Variants in TNKS observed in about 807,000 individuals in gnomAD.
TNKS encodes the protein poly [ADP-ribose] polymerase tankyrase-1.
A neutral mutation model predicts 135.8 loss-of-function variants in TNKS; 72 were observed. That is an observed-to-expected ratio of 0.53 (90% CI 0.44 to 0.64). The LOEUF (loss-of-function observed/expected upper bound fraction) is 0.64, where lower values mean the gene tolerates loss of function less well. Ranked by LOEUF, TNKS falls within the 30% of genes least tolerant of loss-of-function variation. TNKS has a pLI of 0.00. For missense variants in TNKS, 1,769 were observed against 1,674.0 expected (o/e 1.06, Z -0.99); for synonymous variants, 849 against 649.3 (o/e 1.31, Z -4.68).
intron 6 of TNKS, 40 bp downstream of exon 6, chr8:9,704,797 T>C (rs775879136): frequency 2.0e-6 from 3 of 1,522,930 alleles, no homozygotes; most frequent in Non-Finnish European, 2.7e-6. Flanking sequence ...GCTTTGTTTT[T>C]TGTCTGATAC....
intron 1 of TNKS, among the ~76,000 whole-genome samples, chr8:9,570,882 T>C (rs1298207203): frequency 6.6e-6 from 1 of 152,098 alleles, no homozygotes; most frequent in Non-Finnish European, 1.5e-5. Flanking sequence ...GGTGGGAGAA[T>C]CACTTGAGCA....
At chr8:9,642,916 A>G (rs998853321) in intron 3 of TNKS, among the ~76,000 whole-genome samples, 1 of 146,520 alleles carries the variant, frequency 6.8e-6, no homozygotes. Flanking sequence ...CTATTGTTAT[A>G]AAGTAACTGA....
intron 25 of TNKS, among the ~76,000 whole-genome samples, chr8:9,769,436 A>G (rs1385591949): frequency 6.6e-6 from 1 of 152,046 alleles, no homozygotes; most frequent in African/African-American, 2.4e-5. Context: ...ATTACTGTTT[A>G]CCTCATCCCA....
rs1210483328 is a variant in TNKS at position 9,706,859 on chromosome 8, C to T, written c.1318C>T (p.His440Tyr). The stretch of plus-strand genomic sequence containing the variant: ...GGATCTCTGGCAGTTTACTCCACTG[C>T]ACGAGGCTGCTTCCAAGAACCGTGT... ...AMDLWQFTPL[H>Y]EAASKNRVEV... Residue 440 changes from histidine (H) to tyrosine (Y), a missense_variant, in exon 8 of 27, where the codon CAC becomes TAC. This residue lies in a region of TNKS where 523 missense variants were observed against 541.0 expected (regional missense o/e 0.97). Transcript: ENST00000310430. The T allele has an allele frequency of 6.2e-7, 1 of 1,613,938 alleles. No homozygotes were observed. The highest frequency in any genetic ancestry group is 1.3e-5 in the African/African-American group (1 of 75,030).
chr8:9,634,814 A>T (rs1800444615), intron 3 of TNKS, among the ~76,000 whole-genome samples: 1 of 152,162 alleles, frequency 6.6e-6, no homozygotes, highest in Admixed American at 6.5e-5. Flanking sequence ...TTGAAAAAAA[A>T]ATGACTGATT....
chr8:9,759,702 C>A (rs560643796), intron 20 of TNKS, among the ~76,000 whole-genome samples: 1 of 152,086 alleles, frequency 6.6e-6, no homozygotes, highest in Non-Finnish European at 1.5e-5. Flanking sequence ...GGGCCAGGCG[C>A]GGTGGCTCAC....
chr8:9,556,122 C>G lies in TNKS; in HGVS notation c.183C>G (p.His61Gln). The change falls in exon 1 of 27, where the codon CAC becomes CAG. Residue 61 changes from histidine to glutamine, a missense_variant. Around this residue, in one of 5 missense-constraint regions of TNKS, gnomAD observed 450 missense variants for 304.9 expected, o/e 1.48. Coordinates refer to ENST00000310430, the MANE Select transcript of TNKS (RefSeq NM_003747.3). ...SGLAPFASPR[H>Q]GLALPEGDGS... ...TGGCCCCCTTCGCCTCCCCGCGGCA[C>G]GGCCTAGCGCTGCCGGAGGGGGATG... is the stretch of plus-strand genomic sequence containing the variant. 4.4e-6 allele frequency: 7 copies of G among 1,599,530 alleles called. No homozygotes were observed. The highest frequency in any genetic ancestry group is 5.1e-6 in the Non-Finnish European group (6 of 1,172,722).
intron 5 of TNKS, among the ~76,000 whole-genome samples, chr8:9,696,869 A>G (rs1480507745): frequency 6.6e-6 from 1 of 152,226 alleles, no homozygotes; most frequent in Non-Finnish European, 1.5e-5. Flanking sequence ...TAAAGTGGCC[A>G]TACTGCCCAA....
intron 1 of TNKS, among the ~76,000 whole-genome samples, chr8:9,559,876 C>T (rs946694794): frequency 2.0e-5 from 3 of 152,078 alleles, no homozygotes; most frequent in Admixed American, 6.5e-5. Flanking sequence ...GGTTTAGAGA[C>T]TGTGTTAATA....
chr8:9,596,310 C>A (rs893529223), intron 2 of TNKS, among the ~76,000 whole-genome samples: 8 of 152,064 alleles, frequency 5.3e-5, no homozygotes, highest in Admixed American at 2.0e-4. Flanking sequence ...TCCCTTTGTA[C>A]AGTTTTAATA....
chr8:9,763,762 C>T (rs1807272673), intron 22 of TNKS, among the ~76,000 whole-genome samples: 1 of 152,154 alleles, frequency 6.6e-6, no homozygotes, highest in Admixed American at 6.5e-5. Context: ...TCCTGGTGGT[C>T]AGATGCCAGT....
chr8:9,700,466 C>T (rs1235943816), intron 5 of TNKS, among the ~76,000 whole-genome samples: 1 of 152,138 alleles, frequency 6.6e-6, no homozygotes, highest in Non-Finnish European at 1.5e-5. Context: ...TTGTTTTAGC[C>T]TTAACCTCTT....
chr8:9,740,823 G>GTTTTTTTTTTTTTT (rs565849400), intron 17 of TNKS: 1 of 60,496 alleles, frequency 1.7e-5, no homozygotes, highest in African/African-American at 4.7e-5. Context: ...TGTAATTCTT[G>GTTTTTTTTTTTTTT]TTGTTTTTTT....
At chr8:9,558,208 C>G (rs1050024406) in intron 1 of TNKS, 2 of 152,126 alleles carry the variant, frequency 1.3e-5, no homozygotes, top group South Asian at 4.1e-4. Flanking sequence ...TTAGCAAATG[C>G]TGCTTGTGAT....
intron 1 of TNKS, among the ~76,000 whole-genome samples, chr8:9,574,277 C>T (rs1335979779): frequency 6.6e-6 from 1 of 152,186 alleles, no homozygotes; most frequent in East Asian, 1.9e-4. Flanking sequence ...GGGTACACTT[C>T]TTGTTGCTAC....
chr8:9,594,681 A>T (rs564459939), intron 2 of TNKS, among the ~76,000 whole-genome samples: 3 of 152,180 alleles, frequency 2.0e-5, no homozygotes, highest in Admixed American at 6.5e-5. Context: ...TCTAAGAATT[A>T]TTTATATAGA....
At chr8:9,631,715 A>C (rs1024215474) in intron 3 of TNKS, among the ~76,000 whole-genome samples, 1 of 149,836 alleles carries the variant, frequency 6.7e-6, no homozygotes, top group African/African-American at 2.4e-5. Flanking sequence ...TTCAGTCGTA[A>C]GTCTTTTCCA....
At chr8:9,557,193 A>G (rs1815355876) in intron 1 of TNKS, 1 of 153,484 alleles carries the variant, frequency 6.5e-6, no homozygotes, top group African/African-American at 2.4e-5. Flanking sequence ...GATGCATTAT[A>G]TGATGATGGA....
At chr8:9,664,687 A>G (rs1330896205) in intron 3 of TNKS, among the ~76,000 whole-genome samples, 1 of 152,252 alleles carries the variant, frequency 6.6e-6, no homozygotes, top group African/African-American at 2.4e-5. Flanking sequence ...CTGCATTTAG[A>G]GAACTGAAGA....
Sources: allele counts gnomAD v4.1 joint callset (sites outside exome capture counted in the v4.1 genomes callset), GRCh38; gene constraint gnomAD v4.1.1; regional missense constraint gnomAD v4.1.1; transcripts MANE v1.5; gene names NCBI Gene and HGNC (gene_info 2026-07-23, HGNC 2026-07-21).